URB1: variants seen among roughly 807,000 people sequenced by gnomAD.
URB1 encodes nucleolar pre-ribosomal-associated protein 1.
In URB1, 197 loss-of-function variants were observed where a neutral mutation model predicts 242.3. The observed-to-expected ratio is 0.81, with a 90% CI of 0.72 to 0.91. URB1 has a LOEUF of 0.91. Among genes scored for constraint, URB1 ranks in the 40% least tolerant of loss-of-function variants. The pLI is 0.00. For missense variants in URB1, 2,721 were observed against 2,860.5 expected (o/e 0.95, Z 1.11); for synonymous variants, 1,153 against 1,201.8 (o/e 0.96, Z 0.84).
At chr21:32,361,178 A>AGAAAGAAAGAAAGAAC in intron 12 of URB1, 55 bp from the exon 13 acceptor site, 1 of 790,154 alleles carries the variant, frequency 1.3e-6, no homozygotes, top group Non-Finnish European at 1.9e-6. Context: ...AAAGAAAGAA[A>AGAAAGAAAGAAAGAAC]GAAAGAAAGA....
rs1484253492 is a variant in URB1, at chr21:32,320,560, T to A, written c.5565A>T (p.Leu1855Phe). The A allele has an allele frequency of 6.4e-7, 1 of 1,552,058 alleles. No individual in the cohort carries two copies. Among genetic ancestry groups the A allele is most frequent in the Non-Finnish European group, 8.7e-7 (1 of 1,147,026 alleles). ...TTTCAAGGATGTGTAAAATCCATGT[T>A]AAAAGGCTATAGTCTCGTATGATTT... ...AYEIIRDYSL[L>F]TWILHILESK... is the part of the protein sequence containing the mutation. The change falls in exon 35 of 39, where the codon TTA becomes TTT. Residue 1855 changes from leucine (L) to phenylalanine (F), a missense_variant. Coordinates refer to ENST00000382751, the MANE Select transcript of URB1 (RefSeq NM_014825.3).
At chr21:32,354,537 C>T (rs185858148) in intron 17 of URB1, among the ~76,000 whole-genome samples, 42 of 152,234 alleles carry the variant, frequency 2.8e-4, no homozygotes, top group Middle Eastern at 3.4e-3. Context: ...GTGCCCCAGC[C>T]GCTTTATCTC....
intron 1 of URB1, among the ~76,000 whole-genome samples, chr21:32,392,056 T>A (rs1049895528): frequency 6.6e-6 from 1 of 151,854 alleles, no homozygotes; most frequent in Non-Finnish European, 1.5e-5. Flanking sequence ...AAATTGGAAG[T>A]TGAAGATATT....
chr21:32,369,889 G>A (rs553421062), intron 8 of URB1, among the ~76,000 whole-genome samples: 7 of 149,494 alleles, frequency 4.7e-5, no homozygotes, highest in Non-Finnish European at 8.9e-5. Context: ...GATAATAAAA[G>A]CAGGTGAGCC....
intron 14 of URB1, among the ~76,000 whole-genome samples, chr21:32,359,370 G>C (rs2033259419): frequency 6.6e-6 from 1 of 152,130 alleles, no homozygotes; most frequent in Non-Finnish European, 1.5e-5. Flanking sequence ...AAAAATGCTG[G>C]CAATGTCTAC....
intron 23 of URB1, among the ~76,000 whole-genome samples, chr21:32,345,134 C>A (rs1429203551): frequency 6.6e-6 from 1 of 152,086 alleles, no homozygotes; most frequent in African/African-American, 2.4e-5. Flanking sequence ...CAATTGTCCC[C>A]TGGGAGAAAA....
intron 20 of URB1, 133 bp from the exon 21 acceptor site, chr21:32,349,616 G>A (rs2033133502): frequency 1.3e-5 from 11 of 820,066 alleles, no homozygotes; most frequent in Non-Finnish European, 1.6e-5. Flanking sequence ...CTCACAGAGT[G>A]TGTGAGACAC....
In URB1 at chr21:32,314,920, AAGC is replaced by A. The variant is rs1210831160; in HGVS notation, c.6811_6813del (p.Ala2271del). 1.9e-6 allele frequency: 3 copies of A among 1,549,924 alleles called. No individual in the cohort carries two copies. Among genetic ancestry groups the A allele is most frequent in the Non-Finnish European group, 2.6e-6 (3 of 1,146,202 alleles). ...TGCAAGGTGCTGGCCGGCAGGAGTC[AAGC>A]ATCTGAGGCTGCGCTGGCGGCGTCC... On this transcript the variant is annotated inframe_deletion, in exon 39 of 39. Transcript: ENST00000382751.
chr21:32,357,699 A>G, intron 14 of URB1, 43 bp from the exon 15 acceptor site: 2 of 1,315,906 alleles, frequency 1.5e-6, no homozygotes, highest in Non-Finnish European at 1.9e-6. Context: ...ATATATAATT[A>G]CATATATAAT....
chr21:32,328,632 ATTTAG>A (rs2032858609), intron 30 of URB1, among the ~76,000 whole-genome samples: 1 of 152,328 alleles, frequency 6.6e-6, no homozygotes, highest in South Asian at 2.1e-4. Context: ...AAGTCTAAAC[ATTTAG>A]TTTATACTCA....
intron 37 of URB1, 35 bp from the exon 38 acceptor site, chr21:32,317,100 G>C: frequency 6.7e-7 from 1 of 1,487,846 alleles, no homozygotes; most frequent in Non-Finnish European, 8.9e-7. Flanking sequence ...AATGAGACTG[G>C]GGTCCCTCCT....
At chr21:32,336,290 G>A (rs185288548) in intron 28 of URB1, among the ~76,000 whole-genome samples, 3 of 152,152 alleles carry the variant, frequency 2.0e-5, no homozygotes, top group Non-Finnish European at 4.4e-5. Flanking sequence ...TTTAAACAAA[G>A]TACTTTGACG....
intron 10 of URB1, among the ~76,000 whole-genome samples, chr21:32,366,367 G>A (rs964476366): frequency 6.6e-6 from 1 of 152,178 alleles, no homozygotes; most frequent in African/African-American, 2.4e-5. Context: ...CTGTGTGATG[G>A]AGCAGGGCCA....
Position 32,311,550 on chromosome 21 carries a change from C to A in URB1, c.*3368G>T. 3.0e-6 allele frequency: 4 copies of A among 1,324,796 alleles called. No homozygotes were observed. The highest frequency in any genetic ancestry group is 2.0e-4 in the Middle Eastern group (1 of 5,040). 82.1% of individuals were successfully genotyped at this position (1,324,796 alleles called of 1,614,324 possible). A position where few individuals can be genotyped will look rare whatever the true frequency, so the allele number is the denominator to read the frequency against. On this transcript the variant is annotated 3_prime_UTR_variant, in exon 39 of 39. Coordinates refer to ENST00000382751, the MANE Select transcript of URB1 (RefSeq NM_014825.3). Reference sequence around the variant, plus strand: ...CCTTTGTGAGCTGGCTGACCCTTCTCAGGAATTTGCCTGTGTGGCCTTCCC... The same window carrying A: ...CCTTTGTGAGCTGGCTGACCCTTCTAAGGAATTTGCCTGTGTGGCCTTCCC...
In URB1 at chr21:32,349,324, G is replaced by C. The variant is rs1294694492; in HGVS notation, c.2992C>G (p.Leu998Val). 5 of 1,546,618 alleles carry C rather than the reference G, an allele frequency of 3.2e-6. No homozygotes were observed. Among genetic ancestry groups the C allele is most frequent in the Non-Finnish European group, 4.4e-6 (5 of 1,144,618 alleles). Residue 998 changes from leucine to valine, a missense_variant, in exon 21 of 39, where the codon CTG becomes GTG. Coordinates refer to ENST00000382751, the MANE Select transcript of URB1 (RefSeq NM_014825.3). ...LFLDMESVASLELANDQTLEE... is the reference protein window; with the variant it reads ...LFLDMESVASVELANDQTLEE... ...GGTACCTGATCATTGGCCAACTCCA[G>C]CGAGGCCACGGACTCCATGTCCAGG...
intron 10 of URB1, among the ~76,000 whole-genome samples, 160 bp downstream of exon 10, chr21:32,366,458 T>C (rs1765336093): frequency 2.0e-5 from 3 of 152,188 alleles, no homozygotes; most frequent in African/African-American, 4.8e-5. Flanking sequence ...CTGTCACTTA[T>C]GGGCTATTTC....
Position 32,384,423 on chromosome 21 carries a change from C to T in URB1, c.324G>A (p.Arg108=). The T allele has an allele frequency of 6.4e-7, 1 of 1,551,954 alleles. No homozygotes were observed. Among genetic ancestry groups the T allele is most frequent in the Non-Finnish European group, 8.7e-7 (1 of 1,146,984 alleles). ...GGAAATGTGAAAGATCACTTGCTGT[C>T]CGCAATAATATGGCCTCGAAAACTT... is the stretch of plus-strand genomic sequence containing the variant. ...IFQVFEAILL[R]TASDLSHFHV... is the part of the protein sequence containing the mutation. Residue 108 remains arginine (R), a synonymous_variant, in exon 3 of 39, where the codon CGG becomes CGA. Transcript: ENST00000382751.
chr21:32,320,451 A>C, intron 35 of URB1, 80 bp downstream of exon 35: 1 of 1,082,406 alleles, frequency 9.2e-7, no homozygotes, highest in Non-Finnish European at 1.4e-6. Flanking sequence ...CCAACCAACA[A>C]CAGAGCTGGC....
intron 36 of URB1, 78 bp downstream of exon 36, chr21:32,319,139 G>A: frequency 7.1e-7 from 1 of 1,408,528 alleles, no homozygotes; most frequent in Non-Finnish European, 9.5e-7. Flanking sequence ...TCATGACTGA[G>A]ACATGGTGTC....
Sources: allele counts gnomAD v4.1 joint callset (sites outside exome capture counted in the v4.1 genomes callset), GRCh38; gene constraint gnomAD v4.1.1; transcripts MANE v1.5; gene names NCBI Gene and HGNC (gene_info 2026-07-23, HGNC 2026-07-21).